Variants in CCDC171 observed in about 807,000 individuals in gnomAD.
The protein encoded by CCDC171 is coiled-coil domain-containing protein 171.
CCDC171 carries 177 observed loss-of-function variants against 168.2 expected under a neutral mutation model. The observed-to-expected ratio is 1.05, with a 90% confidence interval of 0.93 to 1.19. The LOEUF is 1.19. Ranked by LOEUF, CCDC171 falls within the 50% of genes most tolerant of loss-of-function variation. The pLI is 0.00. For synonymous variants in CCDC171, 687 were observed against 540.8 expected, an observed-to-expected ratio of 1.27 and a Z score of -3.75; for missense variants, 1,991 against 1,539.0, an observed-to-expected ratio of 1.29 and a Z score of -4.91.
chr9:15,573,019 C>T (rs1256383747), intron 3 of CCDC171, among the ~76,000 whole-genome samples: 2 of 151,998 alleles, frequency 1.3e-5, no homozygotes, highest in African/African-American at 2.4e-5. Context: ...ATCAGCTGGG[C>T]GTAGTGGCAC....
chr9:15,644,109 A>G (rs1207825764), intron 7 of CCDC171, among the ~76,000 whole-genome samples: 6 of 152,194 alleles, frequency 3.9e-5, no homozygotes, highest in South Asian at 2.1e-4. Flanking sequence ...GCTGGGTCAT[A>G]TGGTAACTCT....
rs765383986 is a variant in CCDC171 at position 15,818,800 on chromosome 9, C to G, written c.3268-27902C>G. ...TATTATCTAGGAGAACTTCCCCAAT[C>G]TAGCAAGGCAGGCCAACATTCAAAT... On this transcript the variant is annotated intron_variant, in intron 21 of 25. Transcript: ENST00000380701. Among the ~76,000 whole-genome samples the G allele has an allele frequency of 3.4e-5, 4 of 117,464 alleles. 2 individuals carry two copies. Among genetic ancestry groups the G allele is most frequent in the Non-Finnish European group, 7.6e-5 (4 of 52,396 alleles). The allele number at this position is 117,464 out of a possible 152,430, so 77.1% of individuals were successfully genotyped here. A position where few individuals can be genotyped will look rare whatever the true frequency, so the allele number is the denominator to read the frequency against.
intron 11 of CCDC171, among the ~76,000 whole-genome samples, chr9:15,715,356 A>T (rs1301713596): frequency 6.6e-6 from 1 of 152,236 alleles, no homozygotes. Context: ...AAACTTAGTG[A>T]TTAAGACAAT....
intron 12 of CCDC171, among the ~76,000 whole-genome samples, chr9:15,723,439 G>T (rs138525828): frequency 6.6e-6 from 1 of 152,276 alleles, no homozygotes; most frequent in East Asian, 1.9e-4. Context: ...TAACATAAGT[G>T]ATATTTTAAG....
chr9:15,586,820 C>A (rs2041597111), intron 4 of CCDC171, among the ~76,000 whole-genome samples: 1 of 151,916 alleles, frequency 6.6e-6, no homozygotes, highest in South Asian at 2.1e-4. Context: ...ATTATTATTA[C>A]TTTTAGAGAC....
At chr9:15,810,585 C>T (rs115637152) in intron 21 of CCDC171, among the ~76,000 whole-genome samples, 2,622 of 152,234 alleles carry the variant, frequency 0.017, 92 homozygotes, top group African/African-American at 0.059. Flanking sequence ...AATTTGAGCA[C>T]GGTGCGGGCG....
At chr9:16,082,937 A>T in the CCDC171 span, among the ~76,000 whole-genome samples, 1 of 152,232 alleles carries the variant, frequency 6.6e-6, no homozygotes, top group Non-Finnish European at 1.5e-5. Flanking sequence ...CTCACAGTCC[A>T]GCTGCTGCCA....
intron 11 of CCDC171, among the ~76,000 whole-genome samples, chr9:15,697,550 G>A (rs1276045541): frequency 6.6e-6 from 1 of 152,140 alleles, no homozygotes; most frequent in East Asian, 1.9e-4. Flanking sequence ...TTTCTGCTCA[G>A]ATTGGGTTTT....
chr9:15,656,842 C>T (rs532160296), intron 7 of CCDC171, among the ~76,000 whole-genome samples: 8 of 151,124 alleles, frequency 5.3e-5, no homozygotes, highest in Non-Finnish European at 8.8e-5. Flanking sequence ...TGGATGTGTA[C>T]GTGTTTGTGT....
chr9:15,635,286 T>C (rs780279709), intron 7 of CCDC171, among the ~76,000 whole-genome samples: 1 of 152,204 alleles, frequency 6.6e-6, no homozygotes, highest in Admixed American at 6.5e-5. Flanking sequence ...CCCCTTTTTA[T>C]CATTTTATGT....
intron 24 of CCDC171, among the ~76,000 whole-genome samples, chr9:15,918,530 C>G (rs980827672): frequency 2.0e-5 from 3 of 151,132 alleles, no homozygotes; most frequent in African/African-American, 7.3e-5. Context: ...TAGGAAAAAA[C>G]AGATGTAATT....
chr9:15,879,296 C>G (rs1221862983), intron 24 of CCDC171, among the ~76,000 whole-genome samples: 1 of 151,798 alleles, frequency 6.6e-6, no homozygotes, highest in Non-Finnish European at 1.5e-5. Context: ...GTTTTTTTCA[C>G]TTTTTTTCCT....
In CCDC171 at chr9:15,759,371, C is replaced by T. The variant is rs74770339; in HGVS notation, c.2671+13740C>T. ...ACTGCATATTTTAGTGTGTATTTCACAGTTGCATTCTGGTTATTCTCCTGT... is the reference window on the plus strand; with the variant it reads ...ACTGCATATTTTAGTGTGTATTTCATAGTTGCATTCTGGTTATTCTCCTGT... On this transcript the variant is annotated intron_variant, in intron 18 of 25. Coordinates refer to ENST00000380701, the MANE Select transcript of CCDC171 (RefSeq NM_173550.4). 5.2e-3 allele frequency among the ~76,000 whole-genome samples: 791 copies of T among 152,252 alleles called. 11 individuals are homozygous for T. Among genetic ancestry groups the T allele is most frequent in the African/African-American group, 0.018 (763 of 41,558 alleles).
intron 6 of CCDC171, among the ~76,000 whole-genome samples, chr9:15,618,791 G>C (rs117786641): frequency 0.059 from 8,983 of 152,024 alleles, 348 homozygotes; most frequent in Middle Eastern, 0.11. Context: ...CTTCCAGGGT[G>C]AAGTGACGCC....
At chr9:15,633,589 G>A (rs1464470612) in intron 7 of CCDC171, among the ~76,000 whole-genome samples, 8 of 152,174 alleles carry the variant, frequency 5.3e-5, no homozygotes, top group African/African-American at 9.7e-5. Flanking sequence ...CTGTAAACTA[G>A]TTCAACCCTT....
chr9:15,561,970 C>G (rs1028983417), intron 1 of CCDC171, among the ~76,000 whole-genome samples: 1 of 152,038 alleles, frequency 6.6e-6, no homozygotes, highest in African/African-American at 2.4e-5. Flanking sequence ...GTGGCTTCTT[C>G]CATGGGCAGT....
intron 16 of CCDC171, among the ~76,000 whole-genome samples, chr9:15,741,433 A>G (rs2054874378): frequency 6.6e-6 from 1 of 152,134 alleles, no homozygotes; most frequent in Non-Finnish European, 1.5e-5. Context: ...TAATTTTTCA[A>G]TTTATGTTGT....
intron 8 of CCDC171, among the ~76,000 whole-genome samples, chr9:15,662,927 G>C (rs565687966): frequency 1.3e-5 from 2 of 152,174 alleles, no homozygotes; most frequent in Admixed American, 6.5e-5. Context: ...GTTGCAGTGA[G>C]CTGAGATTGC....
chr9:15,802,792 T>C (rs1228769927), intron 21 of CCDC171, among the ~76,000 whole-genome samples: 1 of 152,116 alleles, frequency 6.6e-6, no homozygotes, highest in African/African-American at 2.4e-5. Context: ...ACTGCTGAGT[T>C]AAATGGTATT....
Sources: gnomAD v4.1 joint callset for allele counts (sites outside exome capture counted in the v4.1 genomes callset) on GRCh38, gnomAD v4.1.1 for gene constraint, MANE v1.5 for transcripts, NCBI Gene and HGNC (gene_info 2026-07-23, HGNC 2026-07-21) for gene names.